Variants in RPS6KA5 observed in about 807,000 individuals in gnomAD.
The protein encoded by RPS6KA5 is ribosomal protein S6 kinase A5.
Under a neutral mutation model 85.5 loss-of-function variants are expected in RPS6KA5, and 27 were observed. The ratio of observed to expected loss-of-function variants is 0.32; its 90% CI spans 0.23 to 0.44. The LOEUF is 0.44. Among genes scored for constraint, RPS6KA5 ranks in the 20% least tolerant of loss-of-function variants. The pLI, the probability that RPS6KA5 is intolerant of heterozygous loss-of-function variation, is 1.00. For missense variants in RPS6KA5, 811 were observed against 980.9 expected (o/e 0.83, Z 2.31); for synonymous variants, 334 against 348.2 (o/e 0.96, Z 0.46).
At chr14:91,054,062 A>G (rs952414410) in intron 1 of RPS6KA5, among the ~76,000 whole-genome samples, 17 of 152,226 alleles carry the variant, frequency 1.1e-4, no homozygotes, top group Admixed American at 4.6e-4. Context: ...CTGATTTTCA[A>G]TAAGGGTGCC....
At chr14:90,914,383 C>T (rs929347930) in intron 7 of RPS6KA5, among the ~76,000 whole-genome samples, 1 of 132,770 alleles carries the variant, frequency 7.5e-6, no homozygotes, top group African/African-American at 2.9e-5. Flanking sequence ...GGTGCAATCT[C>T]GGCTCACTGC....
intron 5 of RPS6KA5, among the ~76,000 whole-genome samples, chr14:90,925,941 C>CAAAAAAAAAAAAAAAAAAAAAAAAAAA (rs71117389): frequency 2.7e-5 from 2 of 73,526 alleles, no homozygotes; most frequent in Admixed American, 1.8e-4. Context: ...GACCCTGACT[C>CAAAAAAAAAAAAAAAAAAAAAAAAAAA]AAAAAAAAAA....
chr14:90,878,210 T>A (rs1423789818), intron 14 of RPS6KA5, among the ~76,000 whole-genome samples: 1 of 152,190 alleles, frequency 6.6e-6, no homozygotes, highest in African/African-American at 2.4e-5. Context: ...GTGCCAGAAT[T>A]TGCTATCCCA....
chr14:90,883,842 T>C (rs1203579742), intron 14 of RPS6KA5, among the ~76,000 whole-genome samples: 2 of 152,242 alleles, frequency 1.3e-5, no homozygotes, highest in African/African-American at 4.8e-5. Context: ...GCTGTCTCTG[T>C]GCCGAGGATC....
At chr14:90,987,643 A>C (rs1426366313) in intron 2 of RPS6KA5, among the ~76,000 whole-genome samples, 1 of 152,196 alleles carries the variant, frequency 6.6e-6, no homozygotes, top group Non-Finnish European at 1.5e-5. Context: ...GAAAAACAGT[A>C]TTTCCACAGA....
intron 1 of RPS6KA5, among the ~76,000 whole-genome samples, chr14:91,042,021 G>A (rs1245235069): frequency 1.3e-5 from 2 of 152,122 alleles, no homozygotes; most frequent in African/African-American, 4.8e-5. Context: ...AAAGGAGAAA[G>A]AGAACATTAA....
intron 12 of RPS6KA5, among the ~76,000 whole-genome samples, chr14:90,895,249 G>A (rs1426858551): frequency 6.6e-6 from 1 of 152,166 alleles, no homozygotes; most frequent in Non-Finnish European, 1.5e-5. Flanking sequence ...GCTCACACCT[G>A]TAATCCCAGC....
chr14:91,010,842 C>G (rs1286144), intron 1 of RPS6KA5, among the ~76,000 whole-genome samples: 104,031 of 152,052 alleles, frequency 0.68, 35,833 homozygotes, highest in East Asian at 0.87. Context: ...AGGTTCTTCA[C>G]GCAGTGATAA....
intron 2 of RPS6KA5, among the ~76,000 whole-genome samples, chr14:90,998,613 T>C (rs758494624): frequency 2.0e-5 from 3 of 152,204 alleles, no homozygotes; most frequent in Non-Finnish European, 4.4e-5. Context: ...AAGGGTATTA[T>C]TTTGATATTT....
intron 5 of RPS6KA5, among the ~76,000 whole-genome samples, chr14:90,936,538 C>A (rs912045994): frequency 2.0e-5 from 3 of 151,878 alleles, no homozygotes; most frequent in Admixed American, 2.0e-4. Flanking sequence ...GGTGACAGAC[C>A]AAGACCCCAT....
At chr14:90,950,276 A>G (rs1199155159) in intron 3 of RPS6KA5, among the ~76,000 whole-genome samples, 2 of 152,242 alleles carry the variant, frequency 1.3e-5, no homozygotes, top group African/African-American at 2.4e-5. Context: ...TTGATCTTAC[A>G]TACTGCAATT....
At chr14:90,888,900 T>C (rs2034390979) in intron 14 of RPS6KA5, among the ~76,000 whole-genome samples, 1 of 152,154 alleles carries the variant, frequency 6.6e-6, no homozygotes, top group Non-Finnish European at 1.5e-5. Flanking sequence ...GAAAAAACAT[T>C]TCCAATATTA....
At chr14:90,931,960 T>C (rs1885795819) in intron 5 of RPS6KA5, among the ~76,000 whole-genome samples, 1 of 152,210 alleles carries the variant, frequency 6.6e-6, no homozygotes, top group Non-Finnish European at 1.5e-5. Flanking sequence ...AACATGGTAA[T>C]AGTATATATT....
At chr14:90,873,934 T>G (rs1420822830) in intron 15 of RPS6KA5, 139 bp from the exon 16 acceptor site, 1 of 632,282 alleles carries the variant, frequency 1.6e-6, no homozygotes, top group East Asian at 2.8e-5. Flanking sequence ...GATAATTAGA[T>G]TTTCCTATTC....
chr14:91,032,716 G>A (rs1292289388), intron 1 of RPS6KA5, among the ~76,000 whole-genome samples: 2 of 151,766 alleles, frequency 1.3e-5, no homozygotes, highest in Non-Finnish European at 2.9e-5. Flanking sequence ...AAACATGCAC[G>A]GGAAAGACAG....
chr14:91,045,359 G>C (rs1310780741), intron 1 of RPS6KA5, among the ~76,000 whole-genome samples: 1 of 150,988 alleles, frequency 6.6e-6, no homozygotes, highest in African/African-American at 2.4e-5. Context: ...CTGTGTCCCA[G>C]GTTCAAGCAA....
chr14:90,944,969 G>A (rs1469022891), intron 4 of RPS6KA5, among the ~76,000 whole-genome samples: 1 of 150,370 alleles, frequency 6.7e-6, no homozygotes, highest in Admixed American at 6.6e-5. Flanking sequence ...AATAAAAAAC[G>A]GACAAGTGTG....
intron 4 of RPS6KA5, among the ~76,000 whole-genome samples, chr14:90,947,042 A>G (rs1052089961): frequency 1.6e-4 from 24 of 152,204 alleles, no homozygotes; most frequent in African/African-American, 5.8e-4. Context: ...CCTCATCAGG[A>G]TACACCCTGA....
chr14:90,972,374 T>C (rs1479291201), intron 3 of RPS6KA5, among the ~76,000 whole-genome samples: 1 of 152,156 alleles, frequency 6.6e-6, no homozygotes, highest in Non-Finnish European at 1.5e-5. Flanking sequence ...TTAAAATACA[T>C]TGTAAAACCT....
Sources: allele counts gnomAD v4.1 joint callset (sites outside exome capture counted in the v4.1 genomes callset), GRCh38; gene constraint gnomAD v4.1.1; transcripts MANE v1.5; gene names NCBI Gene and HGNC (gene_info 2026-07-23, HGNC 2026-07-21).